GNAQ: variants seen among roughly 807,000 people sequenced by gnomAD.
The protein encoded by GNAQ is G protein subunit alpha q, also known as guanine nucleotide-binding protein G(q) subunit alpha.
Under a neutral mutation model 43.9 loss-of-function variants are expected in GNAQ, and 8 were observed. The ratio of observed to expected loss-of-function variants is 0.18; its 90% CI spans 0.11 to 0.33. GNAQ has a LOEUF of 0.33. Ranked by LOEUF, GNAQ falls within the 10% of genes least tolerant of loss-of-function variation. The pLI, the probability that GNAQ is intolerant of heterozygous loss-of-function variation, is 1.00. For missense variants in GNAQ, 158 were observed against 450.8 expected, an observed-to-expected ratio of 0.35 and a Z score of 5.88; for synonymous variants, 155 against 170.7, an observed-to-expected ratio of 0.91 and a Z score of 0.71.
At chr9:77,948,760 TTATTA>T (rs1822937738) in intron 1 of GNAQ, among the ~76,000 whole-genome samples, 1 of 152,228 alleles carries the variant, frequency 6.6e-6, no homozygotes, top group Admixed American at 6.5e-5. Flanking sequence ...TTTAGGAGAT[TTATTA>T]TCCTTTTTAA....
intron 2 of GNAQ, among the ~76,000 whole-genome samples, chr9:77,913,855 C>T (rs550242418): frequency 5.1e-4 from 77 of 152,158 alleles, no homozygotes; most frequent in African/African-American, 1.8e-3. Flanking sequence ...AAAACACACA[C>T]GACTCAATAC....
chr9:77,865,982 G>A (rs769843429), intron 2 of GNAQ, among the ~76,000 whole-genome samples: 1 of 152,172 alleles, frequency 6.6e-6, no homozygotes, highest in Non-Finnish European at 1.5e-5. Context: ...TATCCTTGAA[G>A]AACTTACTGT....
At chr9:77,763,652 A>G (rs1210135373) in intron 5 of GNAQ, among the ~76,000 whole-genome samples, 1 of 152,218 alleles carries the variant, frequency 6.6e-6, no homozygotes, top group Non-Finnish European at 1.5e-5. Context: ...ATTTACATTC[A>G]TTACAAGGGT....
intron 5 of GNAQ, among the ~76,000 whole-genome samples, chr9:77,771,764 T>C (rs1238460737): frequency 6.6e-6 from 1 of 152,192 alleles, no homozygotes; most frequent in Non-Finnish European, 1.5e-5. Context: ...CTGGCCCTGT[T>C]AGTGGAAGAA....
chr9:77,777,028 A>C (rs940470627), intron 5 of GNAQ, among the ~76,000 whole-genome samples: 1 of 152,164 alleles, frequency 6.6e-6, no homozygotes, highest in African/African-American at 2.4e-5. Flanking sequence ...TTGACTTAAA[A>C]AAAGACATGT....
chr9:77,938,948 A>C (rs1829273917), intron 1 of GNAQ, among the ~76,000 whole-genome samples: 1 of 152,230 alleles, frequency 6.6e-6, no homozygotes, highest in Non-Finnish European at 1.5e-5. Context: ...CAGTGGAACT[A>C]GGCAGATGGG....
At chr9:77,955,535 T>C (rs561510326) in intron 1 of GNAQ, among the ~76,000 whole-genome samples, 4 of 152,208 alleles carry the variant, frequency 2.6e-5, no homozygotes, top group Non-Finnish European at 5.9e-5. Flanking sequence ...ATACTTTGTG[T>C]CTACTCCTAT....
rs1351144739 is a variant in GNAQ at position 77,832,028 on chromosome 9, G to A, written c.322-16258C>T. Among the ~76,000 whole-genome samples, 3 of 151,744 alleles carry A rather than the reference G, an allele frequency of 2.0e-5. No homozygotes were observed. The East Asian group carries it at 5.8e-4, about 29-fold the overall frequency. ...TCTCACCTGAGGTGCCTCTGCTCTG[G>A]GTAACTCTCAGGATATAGCACATGT... On this transcript the variant is annotated intron_variant, in intron 2 of 6. Transcript: ENST00000286548.
At chr9:77,794,695 A>T in intron 4 of GNAQ, 103 bp from the exon 5 acceptor site, 1 of 598,032 alleles carries the variant, frequency 1.7e-6, no homozygotes, top group Non-Finnish European at 2.9e-6. Flanking sequence ...ATTCTCTTGA[A>T]TGACGATGAT....
intron 2 of GNAQ, among the ~76,000 whole-genome samples, chr9:77,897,274 T>C (rs751389784): frequency 1.3e-5 from 2 of 152,244 alleles, no homozygotes; most frequent in African/African-American, 4.8e-5. Context: ...AAATTATTTA[T>C]GATGAAGCTC....
At chr9:77,773,383 A>C (rs1053509926) in intron 5 of GNAQ, among the ~76,000 whole-genome samples, 1 of 152,242 alleles carries the variant, frequency 6.6e-6, no homozygotes, top group African/African-American at 2.4e-5. Context: ...TATGAACTAT[A>C]ATTTACTGAA....
intron 1 of GNAQ, among the ~76,000 whole-genome samples, chr9:77,968,882 G>C (rs1027266701): frequency 2.0e-5 from 3 of 152,220 alleles, no homozygotes; most frequent in African/African-American, 7.2e-5. Flanking sequence ...CTGTGGCAAG[G>C]TGATTCTGCT....
intron 2 of GNAQ, among the ~76,000 whole-genome samples, chr9:77,856,161 C>T (rs1827751166): frequency 1.3e-5 from 2 of 152,076 alleles, no homozygotes; most frequent in Admixed American, 6.6e-5. Flanking sequence ...CATTATCTGA[C>T]TGATGGGGGT....
chr9:77,762,752 AAG>A (rs1826070334), intron 5 of GNAQ, among the ~76,000 whole-genome samples: 1 of 152,142 alleles, frequency 6.6e-6, no homozygotes, highest in Admixed American at 6.6e-5. Context: ...GTTCTGTACT[AAG>A]AAAGATTCTT....
At chr9:77,945,592 G>A (rs562254922) in intron 1 of GNAQ, among the ~76,000 whole-genome samples, 6 of 152,150 alleles carry the variant, frequency 3.9e-5, no homozygotes, top group South Asian at 4.1e-4. Flanking sequence ...ACATACTCAC[G>A]GATGAAAAAT....
At chr9:77,935,512 T>C (rs1487749141) in intron 1 of GNAQ, among the ~76,000 whole-genome samples, 1 of 152,204 alleles carries the variant, frequency 6.6e-6, no homozygotes, top group East Asian at 1.9e-4. Flanking sequence ...AAGTTGCCCC[T>C]TGGTAGCGAA....
chr9:78,016,236 G>T (rs1256611426), intron 1 of GNAQ, among the ~76,000 whole-genome samples: 1 of 152,084 alleles, frequency 6.6e-6, no homozygotes, highest in African/African-American at 2.4e-5. Context: ...AGATAAACTG[G>T]ACTTCATCAC....
chr9:77,759,154 A>T (rs559696473), intron 5 of GNAQ, among the ~76,000 whole-genome samples: 1 of 152,210 alleles, frequency 6.6e-6, no homozygotes, highest in Non-Finnish European at 1.5e-5. Context: ...TACCATAAGC[A>T]ATGTAAAAAT....
intron 2 of GNAQ, among the ~76,000 whole-genome samples, chr9:77,843,387 T>C (rs1827523035): frequency 6.6e-6 from 1 of 152,172 alleles, no homozygotes; most frequent in African/African-American, 2.4e-5. Flanking sequence ...ACACAGCCCT[T>C]ATAGAGCTGG....
Sources: allele counts gnomAD v4.1 joint callset (sites outside exome capture counted in the v4.1 genomes callset), GRCh38; gene constraint gnomAD v4.1.1; transcripts MANE v1.5; gene names NCBI Gene and HGNC (gene_info 2026-07-23, HGNC 2026-07-21).